ADTRP: variants seen among roughly 807,000 people sequenced by gnomAD.
ADTRP encodes the protein androgen-dependent TFPI-regulating protein.
A neutral mutation model predicts 27.0 loss-of-function variants in ADTRP; 20 were observed. The observed-to-expected ratio is 0.74, with a 90% CI of 0.52 to 1.08. The LOEUF (loss-of-function observed/expected upper bound fraction) is 1.08, where lower values mean the gene tolerates loss of function less well. Among genes scored for constraint, ADTRP ranks in the 50% least tolerant of loss-of-function variants. The probability of loss-of-function intolerance (pLI) is 0.00; values close to 1 mark genes in which losing one functional copy is unlikely to be tolerated. For missense variants in ADTRP, 251 were observed against 275.0 expected (o/e 0.91, Z 0.62); for synonymous variants, 101 against 105.2 (o/e 0.96, Z 0.25).
chr6:11,717,757 C>T (rs1481500375), intron 5 of ADTRP, among the ~76,000 whole-genome samples: 1 of 152,208 alleles, frequency 6.6e-6, no homozygotes, highest in Non-Finnish European at 1.5e-5. Flanking sequence ...GCTGGAGAAA[C>T]TCCTGTGGGA....
At chr6:11,778,472 C>A in intron 1 of ADTRP, 135 bp downstream of exon 1, 1 of 1,286,886 alleles carries the variant, frequency 7.8e-7, no homozygotes, top group African/African-American at 1.5e-5. Context: ...ACAAAAAACC[C>A]AAAACTCACA....
intron 1 of ADTRP, among the ~76,000 whole-genome samples, chr6:11,770,977 G>A (rs905108071): frequency 6.6e-6 from 1 of 152,192 alleles, no homozygotes; most frequent in Non-Finnish European, 1.5e-5. Context: ...CTGGGGAGAG[G>A]CCGCCTCCGC....
chr6:11,735,734 A>G (rs1164982888), intron 3 of ADTRP, 51 bp from the exon 4 acceptor site: 2 of 1,253,830 alleles, frequency 1.6e-6, no homozygotes, highest in East Asian at 2.4e-5. Flanking sequence ...CAGGGTGCCT[A>G]CAGTGCCCAT....
intron 3 of ADTRP, among the ~76,000 whole-genome samples, chr6:11,765,111 G>A (rs928957096): frequency 2.1e-4 from 30 of 142,590 alleles, no homozygotes; most frequent in African/African-American, 7.1e-4. Flanking sequence ...ATAACTGACT[G>A]AGCACAAAAT....
chr6:11,768,888 C>T (rs1417441393), intron 1 of ADTRP, among the ~76,000 whole-genome samples: 1 of 152,052 alleles, frequency 6.6e-6, no homozygotes, highest in Non-Finnish European at 1.5e-5. Flanking sequence ...GAAAGGCACA[C>T]AAAAGGGTGC....
chr6:11,766,741 C>G (rs1182483909), intron 2 of ADTRP, among the ~76,000 whole-genome samples: 2 of 152,148 alleles, frequency 1.3e-5, no homozygotes, highest in Non-Finnish European at 2.9e-5. Flanking sequence ...AGAGTAGGCA[C>G]ATGGAGTAGC....
At chr6:11,756,319 G>A (rs960973160) in intron 3 of ADTRP, among the ~76,000 whole-genome samples, 3 of 148,806 alleles carry the variant, frequency 2.0e-5, no homozygotes, top group Admixed American at 6.6e-5. Context: ...AGGTGACAAA[G>A]CGAGACTGTG....
chr6:11,777,990 A>G (rs1764013408), intron 1 of ADTRP, among the ~76,000 whole-genome samples: 1 of 152,218 alleles, frequency 6.6e-6, no homozygotes, highest in African/African-American at 2.4e-5. Context: ...GCAGTCAGCC[A>G]GGTTAGGAAG....
intron 1 of ADTRP, among the ~76,000 whole-genome samples, chr6:11,769,559 G>A (rs929116972): frequency 6.6e-6 from 1 of 152,040 alleles, no homozygotes; most frequent in Non-Finnish European, 1.5e-5. Context: ...CCAAGAGTTT[G>A]TTTTTTAAGA....
intron 3 of ADTRP, among the ~76,000 whole-genome samples, chr6:11,761,228 G>A (rs571197544): frequency 2.8e-4 from 43 of 152,156 alleles, no homozygotes; most frequent in African/African-American, 9.2e-4. Context: ...TTCCCTGTAC[G>A]CTATTAAACC....
intron 4 of ADTRP, 71 bp downstream of exon 4, chr6:11,735,497 A>G: frequency 9.3e-7 from 1 of 1,078,522 alleles, no homozygotes. Flanking sequence ...ACAGAACAGT[A>G]CACATTTCTG....
At chr6:11,773,190 C>G (rs929630101) in intron 1 of ADTRP, among the ~76,000 whole-genome samples, 1 of 151,916 alleles carries the variant, frequency 6.6e-6, no homozygotes, top group African/African-American at 2.4e-5. Flanking sequence ...GTGTCTTTAT[C>G]TGGAATTAGG....
chr6:11,752,849 C>T (rs1049164272), intron 3 of ADTRP, among the ~76,000 whole-genome samples: 1 of 152,124 alleles, frequency 6.6e-6, no homozygotes, highest in African/African-American at 2.4e-5. Flanking sequence ...CCGGGTTTAT[C>T]CCCTGCAACG....
At chr6:11,756,237 G>A (rs1010671102) in intron 3 of ADTRP, among the ~76,000 whole-genome samples, 2 of 152,142 alleles carry the variant, frequency 1.3e-5, no homozygotes, top group Admixed American at 6.6e-5. Flanking sequence ...ATGTGCCCAT[G>A]TGCCTGTAAG....
At chr6:11,731,232 C>G (rs1188035525) in intron 4 of ADTRP, among the ~76,000 whole-genome samples, 1 of 152,188 alleles carries the variant, frequency 6.6e-6, no homozygotes, top group African/African-American at 2.4e-5. Flanking sequence ...AAAACTAAGA[C>G]ATTGTGATCA....
intron 3 of ADTRP, among the ~76,000 whole-genome samples, chr6:11,743,466 C>T (rs548392778): frequency 1.3e-5 from 2 of 152,234 alleles, no homozygotes; most frequent in East Asian, 3.9e-4. Context: ...ACTCACCTGT[C>T]CCTCCCTCCC....
At chr6:11,743,616 G>A (rs927776911) in intron 3 of ADTRP, among the ~76,000 whole-genome samples, 6 of 152,164 alleles carry the variant, frequency 3.9e-5, no homozygotes, top group Non-Finnish European at 8.8e-5. Context: ...TCGTACGTTC[G>A]CCTAATACTG....
rs1761724581 is a variant in ADTRP at position 11,713,942 on chromosome 6, A to C, written c.*536T>G. On this transcript the variant is annotated 3_prime_UTR_variant, in exon 6 of 6. Coordinates refer to ENST00000414691, the MANE Select transcript of ADTRP (RefSeq NM_032744.4). ...AGCAACCCATGAAAATAACTAGCTT[A>C]CTGAAATGCTTGTCTTTTAAAGAAA... 6.6e-6 allele frequency: 1 copy of C among 151,642 alleles called. No homozygotes were observed. Among genetic ancestry groups the C allele is most frequent in the African/African-American group, 2.4e-5 (1 of 41,296 alleles). The allele number at this position is 151,642 out of a possible 1,614,324, so 9.4% of individuals were successfully genotyped here.
intron 4 of ADTRP, among the ~76,000 whole-genome samples, chr6:11,733,126 C>T (rs1383959580): frequency 2.0e-5 from 3 of 152,202 alleles, no homozygotes; most frequent in African/African-American, 7.2e-5. Context: ...TGTTCACACT[C>T]TCTGATTTTA....
Sources: allele counts gnomAD v4.1 joint callset (sites outside exome capture counted in the v4.1 genomes callset), GRCh38; gene constraint gnomAD v4.1.1; transcripts MANE v1.5; gene names NCBI Gene and HGNC (gene_info 2026-07-23, HGNC 2026-07-21).